The following RGL1 variants were observed in gnomAD, a reference collection of about 807,000 sequenced individuals.
The protein encoded by RGL1 is ral guanine nucleotide dissociation stimulator like 1.
A neutral mutation model predicts 95.2 loss-of-function variants in RGL1; 24 were observed. The observed-to-expected ratio is 0.25, with a 90% CI of 0.18 to 0.35. The LOEUF is 0.35. Ranked by LOEUF, RGL1 falls within the 10% of genes least tolerant of loss-of-function variation. RGL1 has a pLI of 1.00. For missense variants in RGL1, 715 were observed against 936.3 expected (o/e 0.76, Z 3.08); for synonymous variants, 329 against 344.9 (o/e 0.95, Z 0.51).
intron 1 of RGL1, among the ~76,000 whole-genome samples, chr1:183,696,417 T>C (rs1266581420): frequency 1.3e-5 from 2 of 152,240 alleles, no homozygotes. Context: ...TAACTAGTTC[T>C]AGGTGCATAG....
intron 4 of RGL1, among the ~76,000 whole-genome samples, chr1:183,873,669 G>C (rs1224316821): frequency 6.6e-6 from 1 of 152,150 alleles, no homozygotes; most frequent in Non-Finnish European, 1.5e-5. Flanking sequence ...TCATTGTTGT[G>C]ACTAATGTTT....
At chr1:183,749,714 A>G (rs1657875158) in intron 2 of RGL1, among the ~76,000 whole-genome samples, 1 of 152,068 alleles carries the variant, frequency 6.6e-6, no homozygotes, top group African/African-American at 2.4e-5. Context: ...TTTCCTTTCC[A>G]TATTTACTGC....
chr1:183,919,976 G>A (rs959360427), intron 16 of RGL1, among the ~76,000 whole-genome samples: 1 of 151,956 alleles, frequency 6.6e-6, no homozygotes, highest in African/African-American at 2.4e-5. Flanking sequence ...AACAATTTTT[G>A]TATTGATTAT....
rs1572393229 is a variant in RGL1, at chr1:183,772,121, A to G, written c.132+29832A>G. On this transcript the variant is annotated intron_variant, in intron 2 of 18. Coordinates refer to the RGL1 transcript ENST00000304685. ...CGGTGGACAGCTGCTTCCACTCAAT[A>G]AAACTTTGCACTTATTCTCCAAGCC... Among the ~76,000 whole-genome samples, 4 of 152,334 alleles carry G rather than the reference A, an allele frequency of 2.6e-5. 1 individual carries two copies. In the South Asian group the frequency reaches 8.3e-4, roughly 32 times the overall value.
chr1:183,834,248 C>G (rs1663476781), intron 2 of RGL1, among the ~76,000 whole-genome samples: 1 of 152,000 alleles, frequency 6.6e-6, no homozygotes, highest in South Asian at 2.1e-4. Flanking sequence ...TATTTAGGAA[C>G]AAACAAAAAC....
chr1:183,788,207 G>A (rs947238497), intron 2 of RGL1, among the ~76,000 whole-genome samples: 4 of 152,188 alleles, frequency 2.6e-5, no homozygotes, highest in African/African-American at 9.7e-5. Flanking sequence ...AGGCTGAGAA[G>A]TCACATATCT....
intron 1 of RGL1, chr1:183,647,500 T>A (rs1374660216): frequency 2.5e-5 from 25 of 1,012,440 alleles, no homozygotes; most frequent in Non-Finnish European, 3.3e-5. Context: ...ACATTTTGGA[T>A]TATGTTTAAA....
intron 1 of RGL1, among the ~76,000 whole-genome samples, chr1:183,718,862 G>A (rs969349250): frequency 2.6e-5 from 4 of 151,966 alleles, no homozygotes; most frequent in East Asian, 1.9e-4. Context: ...GCAGTGAGCC[G>A]AGATCTTGCC....
chr1:183,796,674 C>T (rs569969591), intron 2 of RGL1, among the ~76,000 whole-genome samples: 5 of 152,184 alleles, frequency 3.3e-5, no homozygotes, highest in East Asian at 3.9e-4. Flanking sequence ...GTTTTCAGTA[C>T]CATTTCAATA....
At chr1:183,653,944 A>G (rs1245805891) in intron 1 of RGL1, among the ~76,000 whole-genome samples, 2 of 152,158 alleles carry the variant, frequency 1.3e-5, no homozygotes. Flanking sequence ...TTCACTGTCA[A>G]TCACTCTGGA....
rs565509237 is a variant in RGL1 at position 183,725,178 on chromosome 1, G to A, written c.-32-16948G>A. Among the ~76,000 whole-genome samples the A allele has an allele frequency of 2.6e-5, 4 of 152,294 alleles. No homozygotes were observed. The South Asian group carries it at 8.3e-4, about 32-fold the overall frequency. On this transcript the variant is annotated intron_variant, in intron 1 of 18. Transcript: ENST00000304685. ...GAGCTCGAGGTGTCCCCCTAATGCAGATACAGCTGCAGTGACCAAAAACTC... is the reference window on the plus strand; with the variant it reads ...GAGCTCGAGGTGTCCCCCTAATGCAAATACAGCTGCAGTGACCAAAAACTC...
chr1:183,681,997 T>C (rs1653249985), intron 1 of RGL1, among the ~76,000 whole-genome samples: 1 of 152,252 alleles, frequency 6.6e-6, no homozygotes, highest in Non-Finnish European at 1.5e-5. Flanking sequence ...TGTATTTCTG[T>C]GAGATCAGTG....
In RGL1 at chr1:183,884,028, G is replaced by C. The variant is rs1171107122; in HGVS notation, c.735+118G>C. 4 of 1,061,122 alleles carry C rather than the reference G, an allele frequency of 3.8e-6. No individual in the cohort carries two copies. In the East Asian group the frequency reaches 9.5e-5, roughly 25 times the overall value. 65.7% of individuals were successfully genotyped at this position (1,061,122 alleles called of 1,614,324 possible). A position where few individuals can be genotyped will look rare whatever the true frequency, so the allele number is the denominator to read the frequency against. The stretch of plus-strand genomic sequence containing the variant: ...ATTTTAAGTCTTCTTGAATCCTTGA[G>C]ACAGGCTGCGCCTGCAGATACAGAG... On this transcript the variant is annotated intron_variant, in intron 6 of 17. Coordinates refer to ENST00000360851, the MANE Select transcript of RGL1 (RefSeq NM_001297671.3).
At chr1:183,840,317 A>T (rs1663959891) in intron 2 of RGL1, among the ~76,000 whole-genome samples, 1 of 152,128 alleles carries the variant, frequency 6.6e-6, no homozygotes, top group Non-Finnish European at 1.5e-5. Flanking sequence ...TCTATGACTC[A>T]CCTTGGGAAG....
intron 1 of RGL1, among the ~76,000 whole-genome samples, chr1:183,691,772 A>G (rs911702271): frequency 2.0e-5 from 3 of 152,296 alleles, no homozygotes; most frequent in Middle Eastern, 3.4e-3. Flanking sequence ...TTGACACTGG[A>G]AACTTGTGCA....
At chr1:183,897,417 C>T (rs142928412) in intron 9 of RGL1, among the ~76,000 whole-genome samples, 9 of 152,082 alleles carry the variant, frequency 5.9e-5, no homozygotes, top group South Asian at 4.2e-4. Flanking sequence ...CAGGTGGTGG[C>T]GCATTCCTCT....
At chr1:183,714,617 A>G (rs1326066843) in intron 1 of RGL1, among the ~76,000 whole-genome samples, 1 of 152,240 alleles carries the variant, frequency 6.6e-6, no homozygotes, top group Non-Finnish European at 1.5e-5. Context: ...GCACAGACTA[A>G]GGACGTATAA....
intron 16 of RGL1, among the ~76,000 whole-genome samples, chr1:183,919,090 G>T (rs1669163355): frequency 6.6e-6 from 1 of 152,136 alleles, no homozygotes; most frequent in Admixed American, 6.5e-5. Context: ...TACCACATTA[G>T]ATATTTAAAC....
chr1:183,779,598 A>G (rs1659792646), intron 2 of RGL1, among the ~76,000 whole-genome samples: 1 of 152,046 alleles, frequency 6.6e-6, no homozygotes, highest in African/African-American at 2.4e-5. Context: ...AGGTTTCACG[A>G]TGAGTGTGTA....
Sources: allele counts gnomAD v4.1 joint callset (sites outside exome capture counted in the v4.1 genomes callset), GRCh38; gene constraint gnomAD v4.1.1; transcripts MANE v1.5; gene names NCBI Gene and HGNC (gene_info 2026-07-23, HGNC 2026-07-21).